DARS1: variants seen among roughly 807,000 people sequenced by gnomAD.
DARS1 encodes aspartyl-tRNA synthetase 1, also known as aspartate--tRNA ligase, cytoplasmic.
A neutral mutation model predicts 68.8 loss-of-function variants in DARS1; 51 were observed. That is an observed-to-expected ratio of 0.74 (90% CI 0.59 to 0.94). The LOEUF is 0.94. Ranked by LOEUF, DARS1 falls within the 40% of genes least tolerant of loss-of-function variation. DARS1 has a pLI of 0.00. For missense variants in DARS1, 607 were observed against 597.3 expected, an observed-to-expected ratio of 1.02 and a Z score of -0.17; for synonymous variants, 203 against 190.4, an observed-to-expected ratio of 1.07 and a Z score of -0.55.
intron 3 of DARS1, among the ~76,000 whole-genome samples, chr2:135,971,029 C>T (rs1052849428): frequency 6.6e-6 from 1 of 152,038 alleles, no homozygotes; most frequent in African/African-American, 2.4e-5. Flanking sequence ...TTAAAGGACT[C>T]ACACCAATCC....
At chr2:135,959,200 T>C (rs1001936044) in intron 4 of DARS1, among the ~76,000 whole-genome samples, 4 of 151,796 alleles carry the variant, frequency 2.6e-5, no homozygotes, top group Non-Finnish European at 4.4e-5. Flanking sequence ...AAGACCAGCC[T>C]GACCAACATG....
chr2:135,908,635 T>C (rs948902959), intron 15 of DARS1, among the ~76,000 whole-genome samples: 63 of 152,366 alleles, frequency 4.1e-4, no homozygotes, highest in Non-Finnish European at 3.7e-4. Flanking sequence ...TATCTCATTG[T>C]GGTTTTGATT....
chr2:135,941,314 T>G (rs1038017164), intron 5 of DARS1, among the ~76,000 whole-genome samples: 1 of 152,046 alleles, frequency 6.6e-6, no homozygotes, highest in African/African-American at 2.4e-5. Flanking sequence ...AAAACAGATA[T>G]AGATCAATGG....
At chr2:135,910,404 C>T (rs1465731161) in intron 15 of DARS1, among the ~76,000 whole-genome samples, 2 of 151,970 alleles carry the variant, frequency 1.3e-5, no homozygotes, top group African/African-American at 4.8e-5. Context: ...TTTATATTTC[C>T]CTAATGTTTA....
chr2:135,961,609 C>A, intron 3 of DARS1, 111 bp from the exon 4 acceptor site: 1 of 695,306 alleles, frequency 1.4e-6, no homozygotes, highest in Non-Finnish European at 2.6e-6. Context: ...CTATACTCAT[C>A]AGGCACGCAT....
intron 3 of DARS1, among the ~76,000 whole-genome samples, chr2:135,965,553 T>C (rs189100901): frequency 3.3e-5 from 5 of 152,280 alleles, no homozygotes; most frequent in African/African-American, 1.2e-4. Flanking sequence ...ATTTAAAAAA[T>C]ACAAAATATA....
At chr2:135,929,785 T>C (rs1004520044) in intron 7 of DARS1, among the ~76,000 whole-genome samples, 1 of 152,266 alleles carries the variant, frequency 6.6e-6, no homozygotes, top group Non-Finnish European at 1.5e-5. Context: ...TGATATTATC[T>C]AATTTTTCTT....
At chr2:135,959,684 C>T (rs1411579093) in intron 4 of DARS1, among the ~76,000 whole-genome samples, 1 of 152,122 alleles carries the variant, frequency 6.6e-6, no homozygotes, top group Non-Finnish European at 1.5e-5. Flanking sequence ...TTTAACGTGT[C>T]TGCTTCTAAA....
chr2:135,960,571 T>C (rs1216791737), intron 4 of DARS1, among the ~76,000 whole-genome samples: 2 of 152,216 alleles, frequency 1.3e-5, no homozygotes, highest in Non-Finnish European at 2.9e-5. Flanking sequence ...GATTGAATTC[T>C]TTCTTTTAAA....
chr2:135,974,685 C>T (rs551278038), intron 3 of DARS1, among the ~76,000 whole-genome samples: 3 of 151,988 alleles, frequency 2.0e-5, no homozygotes, highest in Admixed American at 2.0e-4. Context: ...TGTGTGAATC[C>T]CTGAAGTACT....
At chr2:135,984,446 A>G (rs191315465) in intron 1 of DARS1, among the ~76,000 whole-genome samples, 1 of 152,342 alleles carries the variant, frequency 6.6e-6, no homozygotes, top group Admixed American at 6.5e-5. Flanking sequence ...TTGTGTTTAC[A>G]CCAAAATAAA....
At position 135,953,610 on chromosome 2, in the gene DARS1, A is replaced by G. The variant is rs1044990722; in HGVS notation, c.320+7786T>C. On this transcript the variant is annotated intron_variant, in intron 4 of 15. Coordinates refer to ENST00000264161, the MANE Select transcript of DARS1 (RefSeq NM_001349.4). ...TAGTGGTGTTAGGTTTCATGTTTTT[A>G]ACTATCAAAATTTTTCTTATTGAGA... Among the ~76,000 whole-genome samples the G allele has an allele frequency of 3.3e-5, 5 of 152,182 alleles. No homozygotes were observed. The East Asian group carries it at 9.6e-4, about 29-fold the overall frequency.
rs771979377 is a variant in DARS1 at position 135,912,523 on chromosome 2, A to C, written c.1193T>G (p.Val398Gly). The change falls in exon 13 of 16, where the codon GTA (valine) becomes GGA (glycine). Residue 398 changes from valine (V) to glycine (G), a missense_variant. By Grantham distance (109) the Val-to-Gly change is moderately radical. Transcript: ENST00000264161. ...GTCAGGCATGGTATAGAAAGGTCTT[A>C]CAGCCAATGGATATTTATCAAGAAT... ...FYILDKYPLA[V>G]RPFYTMPDPR... 8.9e-7 allele frequency: 1 copy of C among 1,122,556 alleles called. No individual in the cohort carries two copies. The highest frequency in any genetic ancestry group is 1.9e-5 in the Admixed American group (1 of 53,742). The allele number at this position is 1,122,556 out of a possible 1,614,324, so 69.5% of individuals were successfully genotyped here.
intron 5 of DARS1, among the ~76,000 whole-genome samples, chr2:135,935,517 G>A (rs186607285): frequency 6.6e-5 from 10 of 152,044 alleles, no homozygotes; most frequent in Admixed American, 2.6e-4. Flanking sequence ...GGAGAATGGC[G>A]TGAACCTGGG....
intron 10 of DARS1, among the ~76,000 whole-genome samples, chr2:135,919,271 T>C (rs1007579521): frequency 2.0e-5 from 3 of 152,186 alleles, no homozygotes; most frequent in Non-Finnish European, 4.4e-5. Context: ...CCTCAAGTGA[T>C]CCGCCTGCCT....
chr2:135,963,581 A>G (rs967291245), intron 3 of DARS1, among the ~76,000 whole-genome samples: 9 of 152,122 alleles, frequency 5.9e-5, no homozygotes, highest in African/African-American at 1.7e-4. Flanking sequence ...CATGTTGGCC[A>G]GGCTGGTCTC....
chr2:135,929,975 C>A (rs1265659484), intron 7 of DARS1, among the ~76,000 whole-genome samples: 1 of 152,056 alleles, frequency 6.6e-6, no homozygotes, highest in African/African-American at 2.4e-5. Context: ...GAATGTAATT[C>A]TTTTCTCTTG....
chr2:135,924,627 G>A, intron 7 of DARS1, 129 bp from the exon 8 acceptor site: 1 of 1,354,588 alleles, frequency 7.4e-7, no homozygotes, highest in African/African-American at 1.5e-5. Context: ...TAATTGGAGA[G>A]AAGACGAAAG....
rs547263403 is a variant in DARS1 at position 135,944,533 on chromosome 2, G to C, written c.321-1053C>G. Reference sequence around the variant, plus strand: ...GAAAGAAAATTGTTTATGTCACTTGGCTACACTGCCTAGAAATCTTTATGT... The same window carrying C: ...GAAAGAAAATTGTTTATGTCACTTGCCTACACTGCCTAGAAATCTTTATGT... On this transcript the variant is annotated intron_variant, in intron 4 of 15. Coordinates refer to ENST00000264161, the MANE Select transcript of DARS1 (RefSeq NM_001349.4). Among the ~76,000 whole-genome samples, 37 of 151,984 alleles carry C rather than the reference G, an allele frequency of 2.4e-4. 1 individual carries two copies. Among genetic ancestry groups the C allele is most frequent in the Admixed American group, 6.6e-4 (10 of 15,258 alleles).
Sources: allele counts gnomAD v4.1 joint callset (sites outside exome capture counted in the v4.1 genomes callset), GRCh38; gene constraint gnomAD v4.1.1; transcripts MANE v1.5; gene names NCBI Gene and HGNC (gene_info 2026-07-23, HGNC 2026-07-21).